Variants in EYS observed in about 807,000 individuals in gnomAD.
EYS encodes the protein protein eyes shut homolog.
A neutral mutation model predicts 282.1 loss-of-function variants in EYS; 250 were observed. The ratio of observed to expected loss-of-function variants is 0.89; its 90% CI spans 0.80 to 0.98. The LOEUF (loss-of-function observed/expected upper bound fraction) is 0.98. Among genes scored for constraint, EYS ranks in the 50% least tolerant of loss-of-function variants. The pLI is 0.00. For missense variants in EYS, 4,016 were observed against 3,709.0 expected, an observed-to-expected ratio of 1.08 and a Z score of -2.15; for synonymous variants, 1,355 against 1,282.9, an observed-to-expected ratio of 1.06 and a Z score of -1.20.
chr6:65,127,166 A>G (rs1490318524), intron 12 of EYS, among the ~76,000 whole-genome samples: 2 of 152,170 alleles, frequency 1.3e-5, no homozygotes, highest in African/African-American at 2.4e-5. Flanking sequence ...TCCAATCAAC[A>G]CAGTTGTACT....
intron 30 of EYS, among the ~76,000 whole-genome samples, chr6:64,266,191 T>C (rs1767753853): frequency 6.6e-6 from 1 of 152,128 alleles, no homozygotes; most frequent in Non-Finnish European, 1.5e-5. Flanking sequence ...CTTCACAAAA[T>C]TATAAGTGTA....
chr6:64,014,732 G>C (rs1238925769), intron 33 of EYS, among the ~76,000 whole-genome samples: 1 of 151,892 alleles, frequency 6.6e-6, no homozygotes, highest in Non-Finnish European at 1.5e-5. Flanking sequence ...CTACCAGCTA[G>C]CACACAGTCT....
chr6:64,767,929 A>G (rs1773404269), intron 22 of EYS, among the ~76,000 whole-genome samples: 1 of 152,038 alleles, frequency 6.6e-6, no homozygotes, highest in African/African-American at 2.4e-5. Flanking sequence ...CTGTTTTTGC[A>G]TCCTTGCCAT....
At chr6:64,666,667 T>A (rs957310191) in intron 22 of EYS, among the ~76,000 whole-genome samples, 1 of 152,180 alleles carries the variant, frequency 6.6e-6, no homozygotes, top group African/African-American at 2.4e-5. Flanking sequence ...ACTACTAACT[T>A]GTGTTTCCAG....
rs1764599757 is a variant in EYS at position 65,151,067 on chromosome 6, C to A, written c.2024-93340G>T. 3.3e-5 allele frequency among the ~76,000 whole-genome samples: 5 copies of A among 151,820 alleles called. No homozygotes were observed. In the South Asian group the frequency reaches 1.0e-3, roughly 31 times the overall value. On this transcript the variant is annotated intron_variant, in intron 12 of 42. Transcript: ENST00000503581. ...CTGTTGCTGATTCATTATGGAAAAA[C>A]ATAGAATATTATGTATTTTTTAGTA...
chr6:64,040,355 A>G (rs1278561955), intron 33 of EYS, among the ~76,000 whole-genome samples: 1 of 152,192 alleles, frequency 6.6e-6, no homozygotes, highest in Non-Finnish European at 1.5e-5. Flanking sequence ...GTAATTTGGA[A>G]TTGTAGTTGG....
chr6:64,003,765 A>C (rs1768207806), intron 33 of EYS, among the ~76,000 whole-genome samples: 1 of 152,170 alleles, frequency 6.6e-6, no homozygotes, highest in African/African-American at 2.4e-5. Flanking sequence ...AGTAGGAGGT[A>C]ATTGAATCAT....
At chr6:65,459,122 A>G (rs527845840) in intron 5 of EYS, among the ~76,000 whole-genome samples, 1 of 152,242 alleles carries the variant, frequency 6.6e-6, no homozygotes, top group African/African-American at 2.4e-5. Flanking sequence ...ACAGTCATTA[A>G]AATCTGATAA....
chr6:64,456,148 T>C (rs1296703452), intron 26 of EYS, among the ~76,000 whole-genome samples: 1 of 152,132 alleles, frequency 6.6e-6, no homozygotes, highest in East Asian at 1.9e-4. Flanking sequence ...CAAATTTGTG[T>C]AAGAGTTTTA....
At chr6:64,537,111 C>CTCG (rs1294320097) in intron 26 of EYS, among the ~76,000 whole-genome samples, 70 of 150,156 alleles carry the variant, frequency 4.7e-4, no homozygotes, top group African/African-American at 1.6e-3. Context: ...CACCCACTAA[C>CTCG]TCGTCATCTA....
chr6:65,009,472 C>T (rs1345009387), intron 13 of EYS, among the ~76,000 whole-genome samples: 10 of 152,066 alleles, frequency 6.6e-5, no homozygotes, highest in African/African-American at 1.4e-4. Context: ...CAGTCCTGGA[C>T]CTTAAGGATG....
intron 28 of EYS, among the ~76,000 whole-genome samples, chr6:64,402,474 T>G (rs1289181519): frequency 6.6e-6 from 1 of 152,200 alleles, no homozygotes; most frequent in Non-Finnish European, 1.5e-5. Flanking sequence ...ATAAATGTGT[T>G]TCTAAGGTAG....
chr6:63,909,850 A>G (rs1178021232), intron 35 of EYS, among the ~76,000 whole-genome samples: 1 of 152,208 alleles, frequency 6.6e-6, no homozygotes, highest in Non-Finnish European at 1.5e-5. Flanking sequence ...GGTAATTCTA[A>G]TAAGCACTGA....
At chr6:65,014,181 G>A (rs1771972448) in intron 13 of EYS, among the ~76,000 whole-genome samples, 1 of 152,138 alleles carries the variant, frequency 6.6e-6, no homozygotes, top group Non-Finnish European at 1.5e-5. Context: ...AAAGACCAGA[G>A]TTCTAAAATC....
At chr6:64,862,654 G>A in intron 19 of EYS, among the ~76,000 whole-genome samples, 1 of 151,968 alleles carries the variant, frequency 6.6e-6, no homozygotes. Context: ...CCTCCTCTGT[G>A]CAATGGCTGA....
chr6:65,392,774 G>A (rs1024753329), intron 7 of EYS, among the ~76,000 whole-genome samples: 43 of 151,014 alleles, frequency 2.8e-4, no homozygotes, highest in African/African-American at 9.9e-4. Flanking sequence ...CGATTCCTCA[G>A]GGATCTGGAA....
chr6:64,813,502 G>C lies in EYS; in HGVS notation c.3319C>G (p.Arg1107Gly). 6.4e-7 allele frequency: 1 copy of C among 1,550,516 alleles called. No individual in the cohort carries two copies. The change falls in exon 22 of 43, where the codon CGT (arginine) becomes GGT (glycine). Residue 1107 changes from arginine to glycine, a missense_variant. Physicochemically the swap from Arg to Gly is moderately radical, Grantham distance 125. Coordinates refer to ENST00000503581, the MANE Select transcript of EYS (RefSeq NM_001142800.2). ...TCACAGTATGCACCAGTGTATCCAC[G>C]TGGGCAAATGCAAGTAAATCCATGT... ...SAHGFTCICP[R>G]GYTGAYCEKS...
At chr6:64,604,505 C>A (rs1766863926) in intron 24 of EYS, among the ~76,000 whole-genome samples, 1 of 152,032 alleles carries the variant, frequency 6.6e-6, no homozygotes, top group East Asian at 1.9e-4. Context: ...CAAGCTCCAT[C>A]TAAGTTTTAT....
chr6:64,993,588 AG>A (rs1771149545), intron 14 of EYS, among the ~76,000 whole-genome samples: 1 of 59,240 alleles, frequency 1.7e-5, no homozygotes, highest in African/African-American at 7.2e-5. Context: ...GGGTGGGGGG[AG>A]GGGGGAGGGA....
Sources: gnomAD v4.1 joint callset for allele counts (sites outside exome capture counted in the v4.1 genomes callset) on GRCh38, gnomAD v4.1.1 for gene constraint, MANE v1.5 for transcripts, NCBI Gene and HGNC (gene_info 2026-07-23, HGNC 2026-07-21) for gene names.